Variants in MALT1 observed in about 807,000 individuals in gnomAD.
The protein encoded by MALT1 is MALT1 paracaspase.
In MALT1, 36 loss-of-function variants were observed where a neutral mutation model predicts 85.5. The ratio of observed to expected loss-of-function variants is 0.42; its 90% CI spans 0.32 to 0.56. The LOEUF is 0.56. Ranked by LOEUF, MALT1 falls within the 20% of genes least tolerant of loss-of-function variation. MALT1 has a pLI of 0.10. For missense variants in MALT1, 716 were observed against 981.6 expected, an observed-to-expected ratio of 0.73 and a Z score of 3.62; for synonymous variants, 359 against 361.3, an observed-to-expected ratio of 0.99 and a Z score of 0.07.
At chr18:58,728,724 T>A (rs1373551432) in intron 10 of MALT1, among the ~76,000 whole-genome samples, 1 of 152,216 alleles carries the variant, frequency 6.6e-6, no homozygotes, top group Non-Finnish European at 1.5e-5. Context: ...TAGTTACACT[T>A]TTCGTAAGAC....
At chr18:58,707,201 T>C (rs75369942) in intron 4 of MALT1, among the ~76,000 whole-genome samples, 10 of 152,148 alleles carry the variant, frequency 6.6e-5, no homozygotes, top group Admixed American at 2.6e-4. Context: ...CTTTTTTTTT[T>C]CTTCAATTTC....
rs902073264 is a variant in MALT1, at chr18:58,726,868, C to T, written c.1222+3617C>T. Among the ~76,000 whole-genome samples, 13 of 152,278 alleles carry T rather than the reference C, an allele frequency of 8.5e-5. 1 individual carries two copies. Among genetic ancestry groups the T allele is most frequent in the Admixed American group, 7.8e-4 (12 of 15,292 alleles). On this transcript the variant is annotated intron_variant, in intron 10 of 16. Transcript: ENST00000649217. ...GTCGGAATATGGCAAAAGTGTTATT[C>T]GGCCTGCAGCGGAGCAGCTGTTCAG...
chr18:58,746,697 A>G (rs1194758276), intron 16 of MALT1, among the ~76,000 whole-genome samples: 1 of 151,906 alleles, frequency 6.6e-6, no homozygotes, highest in Non-Finnish European at 1.5e-5. Context: ...AAAACAGCTT[A>G]AGCTTTTTTT....
In MALT1 at chr18:58,753,194, A is replaced by G. The variant is rs1285949150; in HGVS notation, c.*5352A>G. On this transcript the variant is annotated 3_prime_UTR_variant, in exon 17 of 17. Coordinates refer to ENST00000649217, the MANE Select transcript of MALT1 (RefSeq NM_006785.4). ...TAGGCAGTATAGAGTGTTTTTTTTT[A>G]TTTGTTTTTTTGTTGTTGTCTTTTG... 1 of 150,736 alleles carries G rather than the reference A, an allele frequency of 6.6e-6. No homozygotes were observed. Among genetic ancestry groups the G allele is most frequent in the African/African-American group, 2.4e-5 (1 of 40,948 alleles). The allele number at this position is 150,736 out of a possible 1,614,324, so 9.3% of individuals were successfully genotyped here.
chr18:58,744,742 C>T (rs1005342281), intron 15 of MALT1, among the ~76,000 whole-genome samples: 3 of 151,904 alleles, frequency 2.0e-5, no homozygotes, highest in African/African-American at 4.8e-5. Context: ...ATCCTAAACA[C>T]GAGAGCCAAT....
intron 13 of MALT1, 105 bp downstream of exon 13, chr18:58,735,434 G>A: frequency 1.6e-6 from 2 of 1,255,352 alleles, no homozygotes; most frequent in Non-Finnish European, 2.1e-6. Context: ...TATTATGTGG[G>A]TTTGGAATTA....
At chr18:58,733,131 G>A (rs1049706997) in intron 10 of MALT1, among the ~76,000 whole-genome samples, 6 of 152,202 alleles carry the variant, frequency 3.9e-5, no homozygotes, top group Admixed American at 2.0e-4. Context: ...GGCTGGTTTC[G>A]AACCCCTGAC....
intron 13 of MALT1, among the ~76,000 whole-genome samples, chr18:58,739,903 C>T (rs2055279210): frequency 6.6e-6 from 1 of 152,050 alleles, no homozygotes. Flanking sequence ...AGAAGTACAC[C>T]CTGTTGTTTA....
chr18:58,720,782 A>G (rs1397503524), intron 9 of MALT1, among the ~76,000 whole-genome samples: 1 of 152,238 alleles, frequency 6.6e-6, no homozygotes, highest in Non-Finnish European at 1.5e-5. Context: ...TATGATGTGT[A>G]TAATTAAATG....
chr18:58,704,808 G>T (rs1378690759), intron 4 of MALT1, among the ~76,000 whole-genome samples: 1 of 151,008 alleles, frequency 6.6e-6, no homozygotes, highest in Non-Finnish European at 1.5e-5. Context: ...TTTTAGTTTG[G>T]AATGTCTTTG....
intron 6 of MALT1, among the ~76,000 whole-genome samples, chr18:58,710,673 AAAC>A (rs1214403015): frequency 6.6e-6 from 1 of 152,192 alleles, no homozygotes; most frequent in Non-Finnish European, 1.5e-5. Context: ...ACATTTTTAA[AAAC>A]AAACATTATA....
chr18:58,726,221 T>C (rs1432448299), intron 10 of MALT1, among the ~76,000 whole-genome samples: 1 of 152,212 alleles, frequency 6.6e-6, no homozygotes, highest in Non-Finnish European at 1.5e-5. Flanking sequence ...AAATGTCAGC[T>C]TAAGAAAGCT....
At chr18:58,745,823 G>C in intron 16 of MALT1, 32 bp downstream of exon 16, 1 of 1,589,724 alleles carries the variant, frequency 6.3e-7, no homozygotes, top group Non-Finnish European at 8.6e-7. Flanking sequence ...AGCTACTAAT[G>C]GAAAACTTTA....
chr18:58,678,685 C>G (rs2054276338), intron 1 of MALT1, among the ~76,000 whole-genome samples: 1 of 152,156 alleles, frequency 6.6e-6, no homozygotes, highest in African/African-American at 2.4e-5. Flanking sequence ...TGATCTAAGA[C>G]TGGTTTTTGT....
intron 13 of MALT1, among the ~76,000 whole-genome samples, chr18:58,740,900 C>T (rs538183115): frequency 6.6e-6 from 1 of 152,130 alleles, no homozygotes; most frequent in African/African-American, 2.4e-5. Flanking sequence ...GCACTTTTTA[C>T]TTCATATATA....
chr18:58,710,161 C>A, intron 6 of MALT1, 89 bp downstream of exon 6: 1 of 712,946 alleles, frequency 1.4e-6, no homozygotes, highest in Non-Finnish European at 2.4e-6. Flanking sequence ...GGAAATTATA[C>A]TTTTTACCCC....
rs2055467198 is a variant in MALT1 at position 58,752,994 on chromosome 18, T to A, written c.*5152T>A. On this transcript the variant is annotated 3_prime_UTR_variant, in exon 17 of 17. Transcript: ENST00000649217. ...GGCTCAAAGAGCGTTAACTTGCCTG[T>A]GCTTCTGTTTCCTTATCTGTAAAAT... 1.4e-5 allele frequency: 2 copies of A among 147,892 alleles called. No homozygotes were observed. The highest frequency in any genetic ancestry group is 1.3e-4 in the Admixed American group (2 of 15,142). The allele number at this position is 147,892 out of a possible 1,614,324, so 9.2% of individuals were successfully genotyped here.
intron 2 of MALT1, among the ~76,000 whole-genome samples, chr18:58,689,614 G>A (rs775242101): frequency 9.2e-5 from 14 of 152,210 alleles, no homozygotes; most frequent in East Asian, 1.9e-4. Flanking sequence ...TACCTAAGAC[G>A]GACAGTAAGA....
chr18:58,713,649 T>C (rs2054862674), intron 7 of MALT1, among the ~76,000 whole-genome samples: 1 of 152,198 alleles, frequency 6.6e-6, no homozygotes, highest in African/African-American at 2.4e-5. Flanking sequence ...ACAAATACAC[T>C]AGGCTAACAT....
Sources: gnomAD v4.1 joint callset for allele counts (sites outside exome capture counted in the v4.1 genomes callset) on GRCh38, gnomAD v4.1.1 for gene constraint, MANE v1.5 for transcripts, NCBI Gene and HGNC (gene_info 2026-07-23, HGNC 2026-07-21) for gene names.